The following C16orf89 variants were observed in gnomAD, a reference collection of about 807,000 sequenced individuals.
The protein encoded by C16orf89 is chromosome 16 open reading frame 89, also known as UPF0764 protein C16orf89.
In C16orf89, 57 loss-of-function variants were observed where a neutral mutation model predicts 41.5. The ratio of observed to expected loss-of-function variants is 1.38; its 90% CI spans 1.11 to 1.71. C16orf89 has a LOEUF of 1.71. Among genes scored for constraint, C16orf89 ranks in the 40% most tolerant of loss-of-function variants. C16orf89 has a pLI of 0.00. For synonymous variants in C16orf89, 223 were observed against 190.6 expected (o/e 1.17, Z -1.40); for missense variants, 575 against 445.9 (o/e 1.29, Z -2.61).
intron 7 of C16orf89, among the ~76,000 whole-genome samples, chr16:5,045,474 G>C (rs1028268858): frequency 5.3e-5 from 8 of 152,200 alleles, no homozygotes; most frequent in African/African-American, 1.9e-4. Flanking sequence ...TCTGCTTGTG[G>C]AAGGGAGCCA....
In C16orf89 at chr16:5,056,071, C is replaced by A. The variant is rs376024213; in HGVS notation, c.745G>T (p.Asp249Tyr). The change falls in exon 5 of 8, where the codon GAC becomes TAC. Residue 249 changes from aspartate to tyrosine, a missense_variant. Coordinates refer to ENST00000472572, the MANE Select transcript of C16orf89 (RefSeq NM_001098514.3). ...GCCATACTGTTTTCCATGAAGATGT[C>A]CCGGGTAGGGTAGGCGTATCCGATG... The part of the protein sequence containing the change: ...EAIGYAYPTR[D>Y]IFMENIMFCG... 1.9e-6 allele frequency: 3 copies of A among 1,594,964 alleles called. No individual in the cohort carries two copies. Among genetic ancestry groups the A allele is most frequent in the African/African-American group, 1.3e-5 (1 of 74,352 alleles).
At chr16:5,061,999 A>G (rs1956636839) in intron 2 of C16orf89, among the ~76,000 whole-genome samples, 1 of 152,222 alleles carries the variant, frequency 6.6e-6, no homozygotes, top group Non-Finnish European at 1.5e-5. Context: ...GTGTGTGGAC[A>G]ACTTCGGGAA....
chr16:5,045,694 A>G (rs541932153), intron 7 of C16orf89, among the ~76,000 whole-genome samples: 146 of 152,272 alleles, frequency 9.6e-4, no homozygotes, highest in African/African-American at 3.4e-3. Context: ...TGCCCATTTT[A>G]CAGATGAGGA....
At chr16:5,060,246 C>A (rs376569625) in intron 3 of C16orf89, 40 bp downstream of exon 3, 96 of 1,569,588 alleles carry the variant, frequency 6.1e-5, no homozygotes, top group Non-Finnish European at 7.8e-5. Context: ...AGAACTAGTG[C>A]GTTTGGGTTT....
intron 5 of C16orf89, chr16:5,055,804 A>G (rs1222425385): frequency 6.9e-7 from 1 of 1,445,330 alleles, no homozygotes; most frequent in South Asian, 1.2e-5. Context: ...ATAAACAATG[A>G]ATATAATTTT....
At chr16:5,059,907 G>A (rs1401529189) in intron 3 of C16orf89, among the ~76,000 whole-genome samples, 1 of 152,050 alleles carries the variant, frequency 6.6e-6, no homozygotes, top group Non-Finnish European at 1.5e-5. Context: ...AGGCCCAGGG[G>A]GTGGAGTGGG....
chr16:5,047,299 A>T (rs1376726951), intron 7 of C16orf89, among the ~76,000 whole-genome samples: 2 of 152,106 alleles, frequency 1.3e-5, no homozygotes. Flanking sequence ...CACCTCTGAG[A>T]TGAGTTTCCT....
intron 2 of C16orf89, among the ~76,000 whole-genome samples, chr16:5,061,432 CAAA>C (rs59903296): frequency 4.0e-5 from 1 of 25,254 alleles, no homozygotes; most frequent in African/African-American, 4.1e-4. Context: ...GACTCTGTCT[CAAA>C]AAAAAAAAAA....
At position 5,056,074 on chromosome 16, in the gene C16orf89, G is replaced by A. The variant is rs746157593; in HGVS notation, c.742C>T (p.Arg248Trp). 8.8e-6 allele frequency: 14 copies of A among 1,595,836 alleles called. No homozygotes were observed. The East Asian group carries it at 1.4e-4, about 15-fold the overall frequency. Residue 248 changes from arginine to tryptophan, a missense_variant, in exon 5 of 8, where the codon CGG becomes TGG. By Grantham distance (101) the Arg-to-Trp change is moderately radical (BLOSUM62 -3). Coordinates refer to ENST00000472572, the MANE Select transcript of C16orf89 (RefSeq NM_001098514.3). ...AEAIGYAYPTRDIFMENIMFC... is the reference protein window; with the variant it reads ...AEAIGYAYPTWDIFMENIMFC... ...ATACTGTTTTCCATGAAGATGTCCC[G>A]GGTAGGGTAGGCGTATCCGATGGCC...
chr16:5,055,097 G>C (rs1036801850), intron 6 of C16orf89, 149 bp downstream of exon 6: 2 of 699,254 alleles, frequency 2.9e-6, no homozygotes, highest in Non-Finnish European at 4.8e-6. Flanking sequence ...TTCTCCTTGT[G>C]TGTACACGTC....
chr16:5,046,899 T>C (rs892843441), intron 7 of C16orf89, among the ~76,000 whole-genome samples: 1 of 152,194 alleles, frequency 6.6e-6, no homozygotes, highest in Non-Finnish European at 1.5e-5. Flanking sequence ...CTATTCATAA[T>C]GGCTCCAAGA....
At chr16:5,056,820 C>T (rs1956517799) in intron 4 of C16orf89, among the ~76,000 whole-genome samples, 1 of 152,138 alleles carries the variant, frequency 6.6e-6, no homozygotes, top group East Asian at 1.9e-4. Flanking sequence ...TCACAGCTTG[C>T]AGAGAAATAA....
chr16:5,055,808 T>TA (rs1341724906), intron 5 of C16orf89: 3 of 1,434,560 alleles, frequency 2.1e-6, no homozygotes, highest in African/African-American at 2.8e-5. Context: ...ACAATGAATA[T>TA]AATTTTTGAG....
chr16:5,047,988 C>T, intron 6 of C16orf89, 24 bp from the exon 7 acceptor site: 1 of 1,237,392 alleles, frequency 8.1e-7, no homozygotes, highest in South Asian at 1.2e-5. Flanking sequence ...AAAAGTTGAA[C>T]TTCTCAAGAG....
intron 6 of C16orf89, among the ~76,000 whole-genome samples, chr16:5,051,085 C>T (rs376269125): frequency 6.6e-6 from 1 of 152,190 alleles, no homozygotes; most frequent in Non-Finnish European, 1.5e-5. Context: ...GACAGACCCA[C>T]AGCCAACATT....
intron 1 of C16orf89, among the ~76,000 whole-genome samples, chr16:5,063,661 A>G (rs1302225171): frequency 6.6e-6 from 1 of 152,170 alleles, no homozygotes; most frequent in Non-Finnish European, 1.5e-5. Context: ...AATTGCACAT[A>G]CGAGGGATCT....
intron 5 of C16orf89, chr16:5,055,818 GTGTAAGTA>G (rs1956488855): frequency 7.1e-7 from 1 of 1,403,112 alleles, no homozygotes; most frequent in Admixed American, 2.0e-5. Context: ...TAATTTTTGA[GTGTAAGTA>G]TATCCCATGA....
downstream of C16orf89, chr16:5,044,008 A>G: frequency 1.6e-6 from 1 of 613,054 alleles, no homozygotes; most frequent in Non-Finnish European, 2.1e-6. Context: ...TTAAAAAAAA[A>G]AAAAAAGGAA....
In C16orf89 at chr16:5,060,332, A is replaced by G. The variant is rs1956589905; in HGVS notation, c.463T>C (p.Ser155Pro). Residue 155 changes from serine (S) to proline (P), a missense_variant, in exon 3 of 8, where the codon TCA (serine) becomes CCA (proline). By Grantham distance (74) the Ser-to-Pro change is moderately conservative. Coordinates refer to ENST00000472572, the MANE Select transcript of C16orf89 (RefSeq NM_001098514.3). ...AGGCACACGTCACTTCTCTCCTCTG[A>G]GAATGAGTCCTGGGGCCCGAACGTG... ...YPTFGPQDSF[S>P]EERSDVCLVQ... is the part of the protein sequence containing the mutation. 1 of 1,612,958 alleles carries G rather than the reference A, an allele frequency of 6.2e-7. No individual in the cohort carries two copies. Among genetic ancestry groups the G allele is most frequent in the Non-Finnish European group, 8.5e-7 (1 of 1,179,626 alleles).
Sources: allele counts gnomAD v4.1 joint callset (sites outside exome capture counted in the v4.1 genomes callset), GRCh38; gene constraint gnomAD v4.1.1; transcripts MANE v1.5; gene names NCBI Gene and HGNC (gene_info 2026-07-23, HGNC 2026-07-21).